The following DAB1 variants were observed in gnomAD, a reference collection of about 807,000 sequenced individuals.
DAB1 encodes the protein disabled homolog 1.
In DAB1, 15 loss-of-function variants were observed where a neutral mutation model predicts 64.6. That is an observed-to-expected ratio of 0.23 (90% CI 0.16 to 0.36). The LOEUF is 0.36. Among genes scored for constraint, DAB1 ranks in the 10% least tolerant of loss-of-function variants. The pLI, the probability that DAB1 is intolerant of heterozygous loss-of-function variation, is 1.00. For synonymous variants in DAB1, 235 were observed against 251.9 expected (o/e 0.93, Z 0.64); for missense variants, 596 against 706.7 (o/e 0.84, Z 1.78).
intron 4 of DAB1, among the ~76,000 whole-genome samples, chr1:58,282,332 C>T (rs9436585): frequency 0.92 from 139,875 of 152,160 alleles, 64,293 homozygotes; most frequent in South Asian, 0.95. Flanking sequence ...GGGCAAGGAC[C>T]AAGTATGTCT....
intron 2 of DAB1, among the ~76,000 whole-genome samples, chr1:57,225,534 G>C (rs533972706): frequency 3.0e-4 from 46 of 152,256 alleles, no homozygotes; most frequent in African/African-American, 1.1e-3. Flanking sequence ...CTTCAGTTCT[G>C]CTCAATACAG....
intron 5 of DAB1, among the ~76,000 whole-genome samples, chr1:58,010,978 A>G (rs1012494801): frequency 6.6e-6 from 1 of 152,188 alleles, no homozygotes; most frequent in African/African-American, 2.4e-5. Context: ...AATTCTCATG[A>G]GGCAGTGGTA....
intron 9 of DAB1, among the ~76,000 whole-genome samples, chr1:57,053,372 C>T (rs753962213): frequency 6.6e-6 from 1 of 151,682 alleles, no homozygotes; most frequent in Admixed American, 6.6e-5. Context: ...CTCAGGCCCC[C>T]GAGTAGCTAG....
intron 4 of DAB1, among the ~76,000 whole-genome samples, chr1:58,230,717 A>T (rs1011678281): frequency 2.0e-5 from 3 of 152,220 alleles, no homozygotes; most frequent in Non-Finnish European, 4.4e-5. Context: ...CAGACATATG[A>T]CCAAATGCAG....
rs12041638 is a variant in DAB1, at chr1:58,127,609, T to C, written n.387+22902A>G. On this transcript the variant is annotated intron_variant and non_coding_transcript_variant, in intron 5 of 20. Coordinates refer to the DAB1 transcript ENST00000485760. ...TGGTTTTAGGTCTAACATTTAACTC[T>C]TTCATCCATCTTGAACTGATTTTTG... is the stretch of plus-strand genomic sequence containing the variant. 5.3e-5 allele frequency among the ~76,000 whole-genome samples: 8 copies of C among 152,368 alleles called. No homozygotes were observed. In the East Asian group the frequency reaches 1.3e-3, roughly 26 times the overall value.
chr1:57,418,075 C>T lies in DAB1; in HGVS notation c.-137+5855G>A, dbSNP rs148714163. 4.1e-3 allele frequency among the ~76,000 whole-genome samples: 629 copies of T among 152,218 alleles called. 4 individuals carry two copies. Among genetic ancestry groups the T allele is most frequent in the Non-Finnish European group, 6.8e-3 (462 of 68,010 alleles). ...AGTTATTTATGCATGAAACCAGGTC[C>T]CTAGATGGCAAACTGTGCAATTGCA... On this transcript the variant is annotated intron_variant, in intron 1 of 14. Coordinates refer to ENST00000371236, the MANE Select transcript of DAB1 (RefSeq NM_001365792.1).
intron 5 of DAB1, among the ~76,000 whole-genome samples, chr1:57,920,499 T>C (rs1644792929): frequency 6.6e-6 from 1 of 152,044 alleles, no homozygotes; most frequent in Non-Finnish European, 1.5e-5. Flanking sequence ...TTTTCTTTTT[T>C]TTGAAACAGG....
intron 2 of DAB1, among the ~76,000 whole-genome samples, chr1:57,215,530 C>T (rs1027052461): frequency 6.6e-6 from 1 of 152,182 alleles, no homozygotes; most frequent in Non-Finnish European, 1.5e-5. Flanking sequence ...TTGAAAAAAA[C>T]GTCTTTGTGT....
At chr1:58,318,327 G>T (rs1450332144) in intron 4 of DAB1, among the ~76,000 whole-genome samples, 1 of 152,216 alleles carries the variant, frequency 6.6e-6, no homozygotes, top group East Asian at 1.9e-4. Flanking sequence ...TGCATCCTGA[G>T]TGGACAGCCC....
At chr1:58,236,097 G>GCCCGCCCCCCCGCCCCAC (rs1039518984) in intron 4 of DAB1, among the ~76,000 whole-genome samples, 18 of 116,430 alleles carry the variant, frequency 1.5e-4, no homozygotes, top group Admixed American at 1.2e-3. Flanking sequence ...CTGCAGCCCT[G>GCCCGCCCCCCCGCCCCAC]CCCGCCCCCC....
chr1:57,807,676 A>G (rs530709304), intron 6 of DAB1, among the ~76,000 whole-genome samples: 1 of 152,076 alleles, frequency 6.6e-6, no homozygotes, highest in Non-Finnish European at 1.5e-5. Context: ...CCTACAATTT[A>G]TATTAAAAAT....
chr1:57,530,623 G>C (rs1406038511), intron 7 of DAB1, among the ~76,000 whole-genome samples: 1 of 151,844 alleles, frequency 6.6e-6, no homozygotes, highest in Non-Finnish European at 1.5e-5. Context: ...ATATTACTTG[G>C]GGAACCAAGC....
chr1:57,892,902 A>C (rs1287985417), intron 5 of DAB1, among the ~76,000 whole-genome samples: 1 of 152,136 alleles, frequency 6.6e-6, no homozygotes, highest in Non-Finnish European at 1.5e-5. Context: ...CTTCTCTGGC[A>C]ACAATTATTT....
intron 6 of DAB1, among the ~76,000 whole-genome samples, chr1:57,806,028 T>C (rs1413799270): frequency 1.3e-5 from 2 of 152,246 alleles, no homozygotes; most frequent in Non-Finnish European, 2.9e-5. Context: ...AGTGATGTCA[T>C]TCCTGTGCCT....
In DAB1 at chr1:57,726,044, G is replaced by A. The variant is rs371965749; in HGVS notation, n.552-76379C>T. Among the ~76,000 whole-genome samples the A allele has an allele frequency of 7.2e-5, 11 of 152,274 alleles. No individual in the cohort carries two copies. The East Asian group carries it at 1.9e-3, about 27-fold the overall frequency. ...GCTGGGATTACAGGTGGGAGCCACC[G>A]TGCCCGGCCTATCTGTTCTTTCAGT... On this transcript the variant is annotated intron_variant and non_coding_transcript_variant, in intron 6 of 20. Coordinates refer to the DAB1 transcript ENST00000485760.
intron 5 of DAB1, among the ~76,000 whole-genome samples, chr1:58,123,190 A>G (rs964918640): frequency 5.9e-5 from 9 of 152,128 alleles, no homozygotes; most frequent in Non-Finnish European, 1.0e-4. Flanking sequence ...GCCCATGGGG[A>G]GAGAAAAGAC....
chr1:58,393,991 AATT>A (rs1293869953), intron 3 of DAB1, among the ~76,000 whole-genome samples: 3 of 152,214 alleles, frequency 2.0e-5, no homozygotes, highest in Admixed American at 6.5e-5. Flanking sequence ...AAATATATGT[AATT>A]ATTATTTGTC....
At chr1:58,246,488 T>G (rs1053810939) in intron 4 of DAB1, among the ~76,000 whole-genome samples, 3 of 152,148 alleles carry the variant, frequency 2.0e-5, no homozygotes, top group African/African-American at 7.2e-5. Context: ...TAGAACACAT[T>G]CTCCAAACAG....
chr1:57,204,170 G>A (rs1437624250), intron 2 of DAB1, among the ~76,000 whole-genome samples: 1 of 152,154 alleles, frequency 6.6e-6, no homozygotes, highest in African/African-American at 2.4e-5. Context: ...GATTACAGGT[G>A]TGAGCTACTG....
Sources: gnomAD v4.1 joint callset for allele counts (sites outside exome capture counted in the v4.1 genomes callset) on GRCh38, gnomAD v4.1.1 for gene constraint, MANE v1.5 for transcripts, NCBI Gene and HGNC (gene_info 2026-07-23, HGNC 2026-07-21) for gene names.